Variants in TC2N observed in about 807,000 individuals in gnomAD.
TC2N encodes tandem C2 domains nuclear protein.
In TC2N, 51 loss-of-function variants were observed where a neutral mutation model predicts 61.9. The observed-to-expected ratio is 0.82, with a 90% CI of 0.66 to 1.04. The LOEUF is 1.04. TC2N is among the 50% of genes least tolerant of loss of function. The pLI, the probability that TC2N is intolerant of heterozygous loss-of-function variation, is 0.00. For synonymous variants in TC2N, 204 were observed against 192.6 expected, an observed-to-expected ratio of 1.06 and a Z score of -0.49; for missense variants, 556 against 566.7, an observed-to-expected ratio of 0.98 and a Z score of 0.19.
intron 1 of TC2N, among the ~76,000 whole-genome samples, chr14:91,844,683 C>T (rs1299644353): frequency 2.0e-5 from 3 of 149,718 alleles, no homozygotes; most frequent in African/African-American, 4.9e-5. Flanking sequence ...ATCGCTTGAA[C>T]CCGGGAGGCG....
chr14:91,791,923 T>A (rs1885676272), intron 9 of TC2N, among the ~76,000 whole-genome samples: 1 of 152,076 alleles, frequency 6.6e-6, no homozygotes, highest in African/African-American at 2.4e-5. Context: ...GAGACCATCC[T>A]GGCTAACACA....
intron 1 of TC2N, among the ~76,000 whole-genome samples, chr14:91,860,735 C>T (rs115303657): frequency 0.018 from 2,721 of 152,280 alleles, 81 homozygotes; most frequent in African/African-American, 0.061. Flanking sequence ...TAAGCCATAG[C>T]CAAATAGCAA....
chr14:91,839,142 A>G (rs1888119436), intron 1 of TC2N, among the ~76,000 whole-genome samples: 1 of 152,148 alleles, frequency 6.6e-6, no homozygotes, highest in African/African-American at 2.4e-5. Context: ...TTCTTTATTT[A>G]ATGCAGTTTA....
At chr14:91,844,760 CAA>C (rs34223127) in intron 1 of TC2N, among the ~76,000 whole-genome samples, 69 of 92,524 alleles carry the variant, frequency 7.5e-4, no homozygotes, top group Non-Finnish European at 9.1e-4. Flanking sequence ...GACTCTGTCT[CAA>C]AAAAAAAAAA....
intron 1 of TC2N, among the ~76,000 whole-genome samples, chr14:91,835,927 T>G (rs1315662848): frequency 6.6e-6 from 1 of 152,068 alleles, no homozygotes; most frequent in East Asian, 1.9e-4. Context: ...CCGCCTGGGC[T>G]GGGGTCTCCA....
intron 9 of TC2N, among the ~76,000 whole-genome samples, chr14:91,790,089 C>T (rs1324856070): frequency 2.6e-5 from 4 of 152,126 alleles, no homozygotes; most frequent in Admixed American, 6.6e-5. Flanking sequence ...CTCCACAAAA[C>T]GGATAAAGAA....
chr14:91,853,397 G>T (rs532580010), intron 1 of TC2N, among the ~76,000 whole-genome samples: 3 of 152,230 alleles, frequency 2.0e-5, no homozygotes, highest in African/African-American at 7.2e-5. Context: ...ATAATAATTG[G>T]CACAGTCAGT....
intron 1 of TC2N, among the ~76,000 whole-genome samples, chr14:91,821,092 C>A (rs1887229925): frequency 6.6e-6 from 1 of 151,910 alleles, no homozygotes; most frequent in Non-Finnish European, 1.5e-5. Flanking sequence ...CTACCAAAAT[C>A]CCTTCCAGCT....
intron 1 of TC2N, among the ~76,000 whole-genome samples, chr14:91,843,829 GTC>G (rs778481944): frequency 2.0e-4 from 30 of 152,104 alleles, no homozygotes; most frequent in Non-Finnish European, 3.8e-4. Context: ...TTACACGTTA[GTC>G]TCTCTATGAA....
At chr14:91,785,508 G>A (rs539023270) in intron 10 of TC2N, 147 bp from the exon 11 acceptor site, 25 of 603,852 alleles carry the variant, frequency 4.1e-5, no homozygotes, top group Non-Finnish European at 5.6e-5. Context: ...GATGAGCTAC[G>A]ACCATAACAG....
At chr14:91,856,891 T>A (rs186447717) in intron 1 of TC2N, among the ~76,000 whole-genome samples, 2 of 152,216 alleles carry the variant, frequency 1.3e-5, no homozygotes, top group South Asian at 4.1e-4. Context: ...TTAGGAAATA[T>A]CCTTCAACGC....
At chr14:91,813,027 T>TAA (rs1886851214) in intron 2 of TC2N, among the ~76,000 whole-genome samples, 1 of 151,844 alleles carries the variant, frequency 6.6e-6, no homozygotes, top group Non-Finnish European at 1.5e-5. Flanking sequence ...TATATATATA[T>TAA]AATGCTATCT....
At chr14:91,853,089 AAAC>A (rs1050703765) in intron 1 of TC2N, among the ~76,000 whole-genome samples, 20 of 152,154 alleles carry the variant, frequency 1.3e-4, no homozygotes, top group African/African-American at 4.8e-4. Context: ...ACAAACAAAC[AAAC>A]AACGACAACA....
chr14:91,792,303 A>C, intron 9 of TC2N, 64 bp downstream of exon 9: 2 of 1,101,370 alleles, frequency 1.8e-6, no homozygotes, highest in South Asian at 4.9e-5. Flanking sequence ...TCTAACAAAC[A>C]AAAGCCCATC....
intron 1 of TC2N, among the ~76,000 whole-genome samples, chr14:91,859,591 G>T (rs1888551346): frequency 6.6e-6 from 1 of 152,156 alleles, no homozygotes; most frequent in African/African-American, 2.4e-5. Flanking sequence ...CACACAAATA[G>T]TATCATGCAG....
chr14:91,805,407 G>A (rs142362344), intron 3 of TC2N, among the ~76,000 whole-genome samples: 2,900 of 152,294 alleles, frequency 0.019, 89 homozygotes, highest in African/African-American at 0.066. Flanking sequence ...GGCGGCTTAC[G>A]CCTGTAATCC....
Position 91,846,393 on chromosome 14 carries a change from T to C in TC2N, c.-57+20869A>G, listed in dbSNP as rs570019364. Among the ~76,000 whole-genome samples, 24 of 152,274 alleles carry C rather than the reference T, an allele frequency of 1.6e-4. No individual in the cohort carries two copies. The South Asian group carries it at 4.6e-3, about 29-fold the overall frequency. On this transcript the variant is annotated intron_variant, in intron 1 of 11. Coordinates refer to ENST00000435962, the MANE Select transcript of TC2N (RefSeq NM_001128596.3). ...AGAATTTTTTTTTTAATCTCTTCCC[T>C]TGTCCACCGAAAGACCATCAAAACT...
At chr14:91,808,598 T>G (rs1446151694) in intron 3 of TC2N, among the ~76,000 whole-genome samples, 1 of 152,220 alleles carries the variant, frequency 6.6e-6, no homozygotes, top group Non-Finnish European at 1.5e-5. Flanking sequence ...CTAATAAAAG[T>G]AATTTTCTCT....
chr14:91,837,613 C>A lies in TC2N; in HGVS notation c.-56-23788G>T, dbSNP rs1208668958. Among the ~76,000 whole-genome samples, 1 of 152,200 alleles carries A rather than the reference C, an allele frequency of 6.6e-6. No homozygotes were observed. The highest frequency in any genetic ancestry group is 2.4e-5 in the African/African-American group (1 of 41,440). ...AGAGCAGTCTTTCCCAGAGTGAGTTCTGTCCATCTCAAGGTCCTAGAGATG... is the reference window on the plus strand; with the variant it reads ...AGAGCAGTCTTTCCCAGAGTGAGTTATGTCCATCTCAAGGTCCTAGAGATG... On this transcript the variant is annotated intron_variant, in intron 1 of 11. Transcript: ENST00000435962. This position sits in a 1 kb window ranked among gnomAD's most constrained non-coding sequence, Gnocchi z 4.2.
Sources: gnomAD v4.1 joint callset for allele counts (sites outside exome capture counted in the v4.1 genomes callset) on GRCh38, gnomAD v4.1.1 for gene constraint, Gnocchi (gnomAD v3.1) non-coding constraint, MANE v1.5 for transcripts, NCBI Gene and HGNC (gene_info 2026-07-23, HGNC 2026-07-21) for gene names.